METTL15: variants seen among roughly 807,000 people sequenced by gnomAD.
The protein encoded by METTL15 is methyltransferase 15, mitochondrial 12S rRNA N4-cytidine, also known as 12S rRNA N(4)-cytidine methyltransferase METTL15.
In METTL15, 34 loss-of-function variants were observed where a neutral mutation model predicts 38.3. That is an observed-to-expected ratio of 0.89 (90% CI 0.68 to 1.18). The LOEUF is 1.18. Ranked by LOEUF, METTL15 falls within the 50% of genes most tolerant of loss-of-function variation. The pLI is 0.00. For missense variants in METTL15, 438 were observed against 498.4 expected, an observed-to-expected ratio of 0.88 and a Z score of 1.15; for synonymous variants, 162 against 170.9, an observed-to-expected ratio of 0.95 and a Z score of 0.41.
At chr11:28,329,510 G>A (rs1294791788) in intron 6 of METTL15, among the ~76,000 whole-genome samples, 2 of 151,956 alleles carry the variant, frequency 1.3e-5, no homozygotes, top group South Asian at 2.1e-4. Context: ...ATTCTGATAG[G>A]GATTATATTA....
chr11:28,348,684 GTATGTAT>G (rs1850017062), intron 3 of METTL15, among the ~76,000 whole-genome samples: 1 of 12,138 alleles, frequency 8.2e-5, no homozygotes, highest in African/African-American at 3.2e-4. Flanking sequence ...ATCCATTTAT[GTATGTAT>G]GTATGTATGT....
At chr11:28,267,829 A>C (rs1855485809) in intron 4 of METTL15, among the ~76,000 whole-genome samples, 1 of 152,228 alleles carries the variant, frequency 6.6e-6, no homozygotes, top group Admixed American at 6.5e-5. Flanking sequence ...AAAACAAGGG[A>C]AAAGAATAAT....
At chr11:28,150,896 A>G (rs1270359372) in intron 3 of METTL15, among the ~76,000 whole-genome samples, 4 of 151,564 alleles carry the variant, frequency 2.6e-5, no homozygotes, top group African/African-American at 9.7e-5. Context: ...TGTTGTTGGA[A>G]TAGATGTAAG....
chr11:28,532,471 TA>T, the METTL15 span, among the ~76,000 whole-genome samples: 6 of 152,112 alleles, frequency 3.9e-5, no homozygotes, highest in African/African-American at 1.4e-4. Flanking sequence ...TATTGCTTCA[TA>T]AAAGCTTTTG....
chr11:28,164,017 G>A (rs7951092), intron 3 of METTL15: 1 of 151,870 alleles, frequency 6.6e-6, no homozygotes, highest in Admixed American at 6.6e-5. Context: ...GAATTTTAGA[G>A]GTAATTGTAA....
chr11:28,478,984 G>T (rs1851371499), intron 6 of METTL15, among the ~76,000 whole-genome samples: 1 of 151,830 alleles, frequency 6.6e-6, no homozygotes, highest in Admixed American at 6.6e-5. Flanking sequence ...GATGTATTTG[G>T]CAGGCGTTCT....
intron 6 of METTL15, among the ~76,000 whole-genome samples, chr11:28,514,773 G>A (rs973028305): frequency 2.0e-5 from 3 of 152,194 alleles, no homozygotes; most frequent in African/African-American, 7.2e-5. Flanking sequence ...TTTGTAACTA[G>A]AAGTTAAATG....
intron 5 of METTL15, among the ~76,000 whole-genome samples, chr11:28,292,818 A>G (rs1856572758): frequency 6.6e-6 from 1 of 152,178 alleles, no homozygotes; most frequent in South Asian, 2.1e-4. Context: ...AGTGATGATG[A>G]GCATTTTTTC....
chr11:28,111,770 TTATAA>T (rs1424269033), intron 2 of METTL15, among the ~76,000 whole-genome samples: 1 of 152,222 alleles, frequency 6.6e-6, no homozygotes, highest in Non-Finnish European at 1.5e-5. Context: ...TGTAGTGTGG[TTATAA>T]TAGTAAGTGG....
intron 3 of METTL15, among the ~76,000 whole-genome samples, chr11:28,151,353 T>C (rs1486959233): frequency 6.6e-6 from 1 of 151,956 alleles, no homozygotes; most frequent in East Asian, 1.9e-4. Context: ...ACTTTCAATA[T>C]ATCTTTTAAT....
intron 3 of METTL15, among the ~76,000 whole-genome samples, chr11:28,339,874 C>T (rs989592564): frequency 3.3e-5 from 5 of 151,828 alleles, no homozygotes; most frequent in Admixed American, 1.3e-4. Flanking sequence ...GGGAACTATT[C>T]GATGATAAAA....
At chr11:28,210,853 G>A (rs1590164503) in intron 3 of METTL15, among the ~76,000 whole-genome samples, 1 of 152,088 alleles carries the variant, frequency 6.6e-6, no homozygotes, top group African/African-American at 2.4e-5. Context: ...TTATTTTACT[G>A]ATAGTCTGAT....
At chr11:28,368,451 G>C (rs1000856450) in intron 5 of METTL15, among the ~76,000 whole-genome samples, 1 of 152,154 alleles carries the variant, frequency 6.6e-6, no homozygotes, top group Non-Finnish European at 1.5e-5. Context: ...ACCACAGTGA[G>C]ATACCATCTC....
chr11:28,214,884 G>A (rs1380265931), intron 4 of METTL15, among the ~76,000 whole-genome samples: 2 of 152,022 alleles, frequency 1.3e-5, no homozygotes, highest in African/African-American at 4.8e-5. Flanking sequence ...AGAACTCTAG[G>A]GACAACAAGG....
intron 5 of METTL15, among the ~76,000 whole-genome samples, chr11:28,296,426 A>G (rs1856737030): frequency 6.6e-6 from 1 of 152,172 alleles, no homozygotes; most frequent in South Asian, 2.1e-4. Flanking sequence ...AACAACTTAA[A>G]TCTAACCATT....
chr11:28,364,498 A>T (rs1458434975), intron 5 of METTL15, among the ~76,000 whole-genome samples: 1 of 152,200 alleles, frequency 6.6e-6, no homozygotes, highest in Non-Finnish European at 1.5e-5. Flanking sequence ...TTATTGGTGT[A>T]TAAAAATGCT....
intron 4 of METTL15, among the ~76,000 whole-genome samples, chr11:28,253,987 G>C (rs1009465334): frequency 2.0e-5 from 3 of 151,892 alleles, no homozygotes; most frequent in Admixed American, 2.0e-4. Context: ...CTTTCTTTTG[G>C]GTATATACCC....
chr11:28,216,035 G>A (rs1344488464), intron 4 of METTL15, among the ~76,000 whole-genome samples: 1 of 152,134 alleles, frequency 6.6e-6, no homozygotes, highest in Admixed American at 6.5e-5. Context: ...TGCATGCATG[G>A]AAGGATAGAC....
At chr11:28,226,352 T>C (rs573032557) in intron 4 of METTL15, among the ~76,000 whole-genome samples, 1 of 152,112 alleles carries the variant, frequency 6.6e-6, no homozygotes, top group South Asian at 2.1e-4. Context: ...ACTTCCATTG[T>C]TTTGTTTGTT....
Sources: allele counts gnomAD v4.1 joint callset (sites outside exome capture counted in the v4.1 genomes callset), GRCh38; gene constraint gnomAD v4.1.1; transcripts MANE v1.5; gene names NCBI Gene and HGNC (gene_info 2026-07-23, HGNC 2026-07-21).